Variants in PCDHA3 observed in about 807,000 individuals in gnomAD.
The protein encoded by PCDHA3 is protocadherin alpha-3.
A neutral mutation model predicts 62.2 loss-of-function variants in PCDHA3; 41 were observed. The observed-to-expected ratio is 0.66, with a 90% CI of 0.51 to 0.86. The LOEUF (loss-of-function observed/expected upper bound fraction) is 0.86, where lower values mean the gene tolerates loss of function less well. Among genes scored for constraint, PCDHA3 ranks in the 40% least tolerant of loss-of-function variants. PCDHA3 has a pLI of 0.00. For synonymous variants in PCDHA3, 640 were observed against 555.4 expected, an observed-to-expected ratio of 1.15 and a Z score of -2.14; for missense variants, 1,304 against 1,241.2, an observed-to-expected ratio of 1.05 and a Z score of -0.76.
At chr5:140,928,594 G>A in intron 1 of PCDHA3, 1 of 1,614,204 alleles carries the variant, frequency 6.2e-7, no homozygotes, top group Non-Finnish European at 8.5e-7. Context: ...TGTCCCAGTG[G>A]AAATTGTGCC....
intron 1 of PCDHA3, among the ~76,000 whole-genome samples, chr5:140,902,102 GA>G (rs782818661): frequency 1.3e-5 from 2 of 151,098 alleles, no homozygotes; most frequent in Non-Finnish European, 2.9e-5. Context: ...GGAGTCTTTA[GA>G]TTTTTTTAAA....
chr5:140,826,631 CTT>C (rs1471509298), intron 1 of PCDHA3, among the ~76,000 whole-genome samples: 3 of 152,132 alleles, frequency 2.0e-5, no homozygotes, highest in Non-Finnish European at 4.4e-5. Context: ...TTGGCCCTGA[CTT>C]TTATATGAAG....
chr5:140,877,982 T>A, intron 1 of PCDHA3: 1 of 1,221,278 alleles, frequency 8.2e-7, no homozygotes, highest in Non-Finnish European at 1.1e-6. Flanking sequence ...CTTACTCATT[T>A]TGAACTTTTA....
At chr5:140,809,237 G>A (rs1465518164) in intron 1 of PCDHA3, 14 of 1,614,100 alleles carry the variant, frequency 8.7e-6, no homozygotes, top group Non-Finnish European at 1.2e-5. Flanking sequence ...ACGGGCGTTG[G>A]TGGGCGCTGT....
At chr5:140,884,585 A>C in intron 1 of PCDHA3, 2 of 1,614,190 alleles carry the variant, frequency 1.2e-6, no homozygotes, top group Non-Finnish European at 1.7e-6. Context: ...CATGGCCTTC[A>C]GTCCCAGCCT....
chr5:140,896,406 C>CT (rs35238776), intron 1 of PCDHA3, among the ~76,000 whole-genome samples: 1 of 152,100 alleles, frequency 6.6e-6, no homozygotes, highest in Non-Finnish European at 1.5e-5. Flanking sequence ...TTATTTTTGA[C>CT]TTTTTAGTAA....
intron 1 of PCDHA3, among the ~76,000 whole-genome samples, chr5:140,965,384 A>C (rs1275113616): frequency 6.6e-6 from 1 of 152,222 alleles, no homozygotes; most frequent in Non-Finnish European, 1.5e-5. Flanking sequence ...GGGACACAGA[A>C]GAACAGAAGT....
chr5:140,997,668 T>TTGTGTGTGTGTG (rs35184029), intron 3 of PCDHA3, among the ~76,000 whole-genome samples: 18 of 148,344 alleles, frequency 1.2e-4, no homozygotes, highest in Middle Eastern at 3.4e-3. Flanking sequence ...ATTATACAGC[T>TTGTGTGTGTGTG]TGTGTGTGTG....
At chr5:140,884,410 G>GT in intron 1 of PCDHA3, 1 of 1,614,008 alleles carries the variant, frequency 6.2e-7, no homozygotes, top group Non-Finnish European at 8.5e-7. Context: ...TGGTGCTCAC[G>GT]TTGCTGCTGT....
intron 1 of PCDHA3, among the ~76,000 whole-genome samples, chr5:140,872,108 A>G (rs980071264): frequency 1.3e-5 from 2 of 152,072 alleles, no homozygotes; most frequent in African/African-American, 4.8e-5. Context: ...TGGCTTTCCT[A>G]ACTTCAGGCT....
At chr5:140,814,728 C>A (rs1013538090) in intron 1 of PCDHA3, 3 of 152,178 alleles carry the variant, frequency 2.0e-5, no homozygotes, top group Non-Finnish European at 4.4e-5. Flanking sequence ...AATTTTTCAG[C>A]TCCATTATAA....
intron 1 of PCDHA3, chr5:140,966,556 A>C (rs2096021446): frequency 8.5e-6 from 4 of 469,720 alleles, no homozygotes; most frequent in Admixed American, 8.7e-5. Context: ...CGAGCGGAGG[A>C]GCTGGAATAT....
At chr5:140,991,228 T>C (rs2097439456) in intron 3 of PCDHA3, among the ~76,000 whole-genome samples, 1 of 152,220 alleles carries the variant, frequency 6.6e-6, no homozygotes, top group African/African-American at 2.4e-5. Flanking sequence ...CATTAATAAA[T>C]GCAGTGGTAA....
intron 1 of PCDHA3, chr5:140,829,807 T>G (rs146736705): frequency 5.0e-6 from 8 of 1,613,716 alleles, no homozygotes; most frequent in Non-Finnish European, 6.8e-6. Flanking sequence ...GGGTGGGTGG[T>G]ACTGGTGGTG....
At chr5:140,893,488 C>G (rs2064010316) in intron 1 of PCDHA3, among the ~76,000 whole-genome samples, 1 of 151,368 alleles carries the variant, frequency 6.6e-6, no homozygotes, top group Non-Finnish European at 1.5e-5. Flanking sequence ...CCCTGTTCTT[C>G]ACAAAAAAGA....
Position 140,827,976 on chromosome 5 carries a change from C to T in PCDHA3, c.2394+24385C>T, listed in dbSNP as rs1769473350. The T allele has an allele frequency of 1.3e-5, 18 of 1,405,264 alleles. No individual in the cohort carries two copies. In the Middle Eastern group the frequency reaches 7.7e-4, roughly 60 times the overall value. 87.0% of individuals were successfully genotyped at this position (1,405,264 alleles called of 1,614,324 possible). On this transcript the variant is annotated intron_variant, in intron 1 of 3. Coordinates refer to ENST00000522353, the MANE Select transcript of PCDHA3 (RefSeq NM_018906.3). Reference sequence around the variant, plus strand: ...ATTTCTTCTATTACTGCATCATTCCCTGACTGTTGAATGATGGCGGACGCA... The same window carrying T: ...ATTTCTTCTATTACTGCATCATTCCTTGACTGTTGAATGATGGCGGACGCA...
At chr5:140,869,775 C>A (rs2051402857) in intron 1 of PCDHA3, 5 of 1,612,980 alleles carry the variant, frequency 3.1e-6, no homozygotes, top group Non-Finnish European at 4.2e-6. Flanking sequence ...AGCTTACTGG[C>A]ACCGTTCGGC....
rs148357054 is a variant in PCDHA3, at chr5:140,862,194, A to G, written c.2394+58603A>G. On this transcript the variant is annotated intron_variant, in intron 1 of 3. Coordinates refer to ENST00000522353, the MANE Select transcript of PCDHA3 (RefSeq NM_018906.3). ...GGCAGTTGACACAGGCAATTCCCCA[A>G]TGTTTGATCACTGCACAGACTTGAT... The G allele has an allele frequency of 5.4e-3, 909 of 167,816 alleles. 8 individuals are homozygous for G. The highest frequency in any genetic ancestry group is 8.4e-3 in the South Asian group (55 of 6,516). The allele number at this position is 167,816 out of a possible 1,614,324, so 10.4% of individuals were successfully genotyped here.
At chr5:140,829,423 G>A (rs2150167639) in intron 1 of PCDHA3, 3 of 1,614,120 alleles carry the variant, frequency 1.9e-6, no homozygotes, top group Middle Eastern at 1.7e-4. Flanking sequence ...TGTCTGTGGA[G>A]GTGGCCGACA....
Sources: gnomAD v4.1 joint callset for allele counts (sites outside exome capture counted in the v4.1 genomes callset) on GRCh38, gnomAD v4.1.1 for gene constraint, MANE v1.5 for transcripts, NCBI Gene and HGNC (gene_info 2026-07-23, HGNC 2026-07-21) for gene names.